The following CSMD2 variants were observed in gnomAD, a reference collection of about 807,000 sequenced individuals.
CSMD2 encodes the protein CUB and Sushi multiple domains 2.
Under a neutral mutation model 398.5 loss-of-function variants are expected in CSMD2, and 130 were observed. The ratio of observed to expected loss-of-function variants is 0.33; its 90% CI spans 0.28 to 0.38. The LOEUF is 0.38. Among genes scored for constraint, CSMD2 ranks in the 10% least tolerant of loss-of-function variants. The pLI is 1.00. For missense variants in CSMD2, 3,829 were observed against 4,764.9 expected (o/e 0.80, Z 5.78); for synonymous variants, 1,828 against 1,908.5 (o/e 0.96, Z 1.10).
At chr1:33,537,000 C>G in intron 62 of CSMD2, 22 bp downstream of exon 62, 1 of 1,611,878 alleles carries the variant, frequency 6.2e-7, no homozygotes, top group Non-Finnish European at 8.5e-7. Flanking sequence ...TAGGAAGACC[C>G]TATCTTGGCT....
At chr1:33,622,104 G>A in intron 37 of CSMD2, 63 bp downstream of exon 37, 1 of 1,193,972 alleles carries the variant, frequency 8.4e-7, no homozygotes, top group East Asian at 2.3e-5. Flanking sequence ...TTGCTCAGAA[G>A]GGGCTCAGCA....
intron 53 of CSMD2, 115 bp downstream of exon 53, chr1:33,567,478 C>CAT (rs774765893): frequency 0.026 from 11,612 of 451,728 alleles, 94 homozygotes; most frequent in African/African-American, 0.049. Flanking sequence ...AAATAGCAAT[C>CAT]ATATATATAT....
At chr1:34,032,789 G>A (rs2148155942) in intron 2 of CSMD2, 83 bp from the exon 3 acceptor site, 2 of 908,462 alleles carry the variant, frequency 2.2e-6, no homozygotes, top group Non-Finnish European at 3.5e-6. Context: ...GTGCCTGCTG[G>A]ATACACAGTG....
intron 9 of CSMD2, among the ~76,000 whole-genome samples, chr1:33,815,085 C>T (rs757534051): frequency 1.7e-4 from 26 of 152,096 alleles, no homozygotes; most frequent in African/African-American, 2.7e-4. Context: ...TGTGGTATCA[C>T]GACAGATTCA....
intron 34 of CSMD2, 45 bp downstream of exon 34, chr1:33,625,006 C>T (rs1005876115): frequency 2.2e-5 from 35 of 1,583,838 alleles, no homozygotes; most frequent in Non-Finnish European, 2.8e-5. Context: ...GAAAGGACTA[C>T]GTGCCGCCCC....
At chr1:33,777,812 G>C (rs985012869) in intron 12 of CSMD2, among the ~76,000 whole-genome samples, 1 of 152,098 alleles carries the variant, frequency 6.6e-6, no homozygotes, top group Non-Finnish European at 1.5e-5. Context: ...CATCATCTGT[G>C]ATCAATCTCA....
At chr1:33,949,830 C>T (rs1272933658) in intron 3 of CSMD2, among the ~76,000 whole-genome samples, 2 of 152,166 alleles carry the variant, frequency 1.3e-5, no homozygotes, top group African/African-American at 2.4e-5. Context: ...TGCAAAATCC[C>T]AGCCCAGACC....
chr1:34,087,826 A>G (rs964071426), intron 2 of CSMD2, among the ~76,000 whole-genome samples: 6 of 152,116 alleles, frequency 3.9e-5, no homozygotes, highest in Admixed American at 6.6e-5. Context: ...GTGTCAAGAC[A>G]TAATAGGTAC....
intron 22 of CSMD2, 58 bp downstream of exon 22, chr1:33,709,031 G>C: frequency 7.0e-7 from 1 of 1,425,574 alleles, no homozygotes. Flanking sequence ...AAAGGAGTGA[G>C]TATTGACTAG....
At chr1:33,590,070 A>G (rs372314204) in intron 44 of CSMD2, among the ~76,000 whole-genome samples, 2 of 151,972 alleles carry the variant, frequency 1.3e-5, no homozygotes, top group Non-Finnish European at 2.9e-5. Flanking sequence ...CAGCCTGGGT[A>G]CTTTATATTT....
chr1:33,703,550 G>A (rs1409975433), intron 22 of CSMD2, among the ~76,000 whole-genome samples: 2 of 152,190 alleles, frequency 1.3e-5, no homozygotes, highest in African/African-American at 2.4e-5. Flanking sequence ...AATAAAGCAG[G>A]TCAGCAAGAT....
At chr1:33,675,686 G>C (rs1368483837) in intron 25 of CSMD2, among the ~76,000 whole-genome samples, 12 of 152,206 alleles carry the variant, frequency 7.9e-5, no homozygotes, top group African/African-American at 2.7e-4. Flanking sequence ...TATCCTTGAT[G>C]AACATTGATG....
Position 34,144,888 on chromosome 1 carries a change from C to A in CSMD2, c.187+20023G>T, listed in dbSNP as rs1055971445. ...GCCTAACAGAAACTGCATTTAACCG[C>A]GATCAAAATGCACAGGCCAAATAAA... On this transcript the variant is annotated intron_variant, in intron 1 of 70. Transcript: ENST00000373381. Among the ~76,000 whole-genome samples, 3 of 152,312 alleles carry A rather than the reference C, an allele frequency of 2.0e-5. 1 individual carries two copies. The Middle Eastern group carries it at 0.01, about 518-fold the overall frequency.
At chr1:33,783,417 T>G (rs507641) in intron 12 of CSMD2, among the ~76,000 whole-genome samples, 50,040 of 145,246 alleles carry the variant, frequency 0.34, 8,961 homozygotes, top group African/African-American at 0.48. Flanking sequence ...AACAACACCA[T>G]GCTCATTCTC....
At position 34,125,936 on chromosome 1, in the gene CSMD2, C is replaced by CA. The variant is rs563856714; in HGVS notation, c.188-36744dup. On this transcript the variant is annotated intron_variant, in intron 1 of 70. Coordinates refer to ENST00000373381, the MANE Select transcript of CSMD2 (RefSeq NM_001281956.2). ...GACCCAGTGGGGGTCTGTTCAGTGA[C>CA]ACCATCCATGACCTGACATCCTAGT... 3.1e-4 allele frequency among the ~76,000 whole-genome samples: 47 copies of CA among 152,280 alleles called. 1 individual carries two copies. In the South Asian group the frequency reaches 9.5e-3, roughly 31 times the overall value.
At position 33,587,141 on chromosome 1, in the gene CSMD2, G is replaced by A; in HGVS notation, c.6884C>T (p.Pro2295Leu). 1 of 1,610,566 alleles carries A rather than the reference G, an allele frequency of 6.2e-7. No individual in the cohort carries two copies. The highest frequency in any genetic ancestry group is 1.1e-5 in the South Asian group (1 of 89,722). The change falls in exon 45 of 71, where the codon CCC becomes CTC. Residue 2295 changes from proline (P) to leucine (L), a missense_variant. Pro to Leu is a moderately conservative substitution (Grantham distance 98, BLOSUM62 -3). Coordinates refer to ENST00000373381, the MANE Select transcript of CSMD2 (RefSeq NM_001281956.2). ...GACTTCGGCGTTGGGGAGGATGGTG[G>A]GAGGAGGGCATTTGGTGAGTGGATA... ...SAYPLTKCPP[P>L]TILPNAEVVT...
chr1:33,641,873 A>C (rs553845734), intron 29 of CSMD2, among the ~76,000 whole-genome samples: 1 of 152,232 alleles, frequency 6.6e-6, no homozygotes, highest in Non-Finnish European at 1.5e-5. Context: ...AAGGTCTGGC[A>C]TATGGTAGCT....
chr1:33,825,616 C>A, intron 7 of CSMD2, 81 bp downstream of exon 7: 1 of 1,231,738 alleles, frequency 8.1e-7, no homozygotes, highest in East Asian at 2.4e-5. Flanking sequence ...CCAGCATCAT[C>A]TGGCTTCCCC....
At chr1:33,523,879 T>C (rs1654536888) in intron 66 of CSMD2, among the ~76,000 whole-genome samples, 1 of 152,198 alleles carries the variant, frequency 6.6e-6, no homozygotes, top group South Asian at 2.1e-4. Context: ...GGATTTTATG[T>C]GGGGTTGTGC....
Sources: gnomAD v4.1 joint callset for allele counts (sites outside exome capture counted in the v4.1 genomes callset) on GRCh38, gnomAD v4.1.1 for gene constraint, MANE v1.5 for transcripts, NCBI Gene and HGNC (gene_info 2026-07-23, HGNC 2026-07-21) for gene names.